Variants in PREP observed in about 807,000 individuals in gnomAD.
The protein encoded by PREP is prolyl endopeptidase.
In PREP, 29 loss-of-function variants were observed where a neutral mutation model predicts 87.6. The observed-to-expected ratio is 0.33, with a 90% CI of 0.25 to 0.45. PREP has a LOEUF of 0.45. Ranked by LOEUF, PREP falls within the 20% of genes least tolerant of loss-of-function variation. The probability of loss-of-function intolerance (pLI) is 1.00; values close to 1 mark genes in which losing one functional copy is unlikely to be tolerated. For synonymous variants in PREP, 337 were observed against 328.6 expected (o/e 1.03, Z -0.28); for missense variants, 695 against 886.5 (o/e 0.78, Z 2.74).
At chr6:105,384,342 C>T (rs1772927978) in intron 2 of PREP, among the ~76,000 whole-genome samples, 1 of 152,100 alleles carries the variant, frequency 6.6e-6, no homozygotes, top group East Asian at 1.9e-4. Context: ...TGCCAGGTAC[C>T]GAAGGGCAGT....
At chr6:105,387,536 G>A (rs1355164075) in intron 2 of PREP, among the ~76,000 whole-genome samples, 1 of 151,236 alleles carries the variant, frequency 6.6e-6, no homozygotes, top group Admixed American at 6.6e-5. Context: ...TGGCTTCCCT[G>A]GGCCACACTG....
chr6:105,306,979 T>C (rs1009480600), intron 10 of PREP, among the ~76,000 whole-genome samples: 2 of 152,064 alleles, frequency 1.3e-5, no homozygotes, highest in Admixed American at 1.3e-4. Flanking sequence ...TTCCACTGGA[T>C]TGGTGCCTTC....
chr6:105,298,291 G>A (rs966743888), intron 10 of PREP: 2 of 152,314 alleles, frequency 1.3e-5, no homozygotes, highest in Non-Finnish European at 2.9e-5. Flanking sequence ...TCCAGCTGCG[G>A]TGACAAAGGG....
intron 8 of PREP, among the ~76,000 whole-genome samples, chr6:105,329,689 A>G (rs1771270734): frequency 6.6e-6 from 1 of 152,248 alleles, no homozygotes; most frequent in Non-Finnish European, 1.5e-5. Flanking sequence ...TGTTTATTAG[A>G]TAAAAATGTA....
chr6:105,284,271 C>T (rs1770140420), intron 12 of PREP, among the ~76,000 whole-genome samples: 1 of 152,140 alleles, frequency 6.6e-6, no homozygotes, highest in African/African-American at 2.4e-5. Flanking sequence ...GGGGCACTCA[C>T]TTTCACTAAG....
At chr6:105,334,885 C>T (rs1771441154) in intron 7 of PREP, among the ~76,000 whole-genome samples, 3 of 152,174 alleles carry the variant, frequency 2.0e-5, no homozygotes, top group South Asian at 2.1e-4. Flanking sequence ...ACGTACACAA[C>T]CTAGCACCCA....
At chr6:105,361,680 G>C (rs556806515) in intron 6 of PREP, among the ~76,000 whole-genome samples, 78 of 152,256 alleles carry the variant, frequency 5.1e-4, no homozygotes, top group Non-Finnish European at 1.9e-4. Flanking sequence ...CTCAGAGCAG[G>C]AGACTTTATC....
chr6:105,311,838 TA>T (rs572977823), intron 10 of PREP, among the ~76,000 whole-genome samples: 269 of 152,306 alleles, frequency 1.8e-3, no homozygotes, highest in African/African-American at 6.2e-3. Context: ...TACATAGACA[TA>T]AATGAATTGT....
intron 10 of PREP, chr6:105,323,112 C>G: frequency 7.7e-7 from 1 of 1,303,594 alleles, no homozygotes; most frequent in Non-Finnish European, 1.0e-6. Context: ...CCTTGGGGAG[C>G]TGAAAAAACA....
intron 2 of PREP, among the ~76,000 whole-genome samples, chr6:105,390,270 G>A (rs1423080563): frequency 6.6e-6 from 1 of 152,148 alleles, no homozygotes; most frequent in East Asian, 1.9e-4. Context: ...TCCCAGAAAA[G>A]AAATCTACAT....
intron 6 of PREP, among the ~76,000 whole-genome samples, chr6:105,354,784 CA>C (rs1474832861): frequency 6.6e-6 from 1 of 150,662 alleles, no homozygotes; most frequent in Non-Finnish European, 1.5e-5. Flanking sequence ...ATTCCTTAAA[CA>C]AATCCTCTCT....
intron 7 of PREP, among the ~76,000 whole-genome samples, chr6:105,341,500 A>C (rs1426435794): frequency 6.6e-6 from 1 of 152,214 alleles, no homozygotes; most frequent in Non-Finnish European, 1.5e-5. Flanking sequence ...GAGCAAACAC[A>C]TTCAAAAGCT....
At chr6:105,354,195 C>T (rs1040406866) in intron 6 of PREP, among the ~76,000 whole-genome samples, 1 of 152,148 alleles carries the variant, frequency 6.6e-6, no homozygotes, top group Non-Finnish European at 1.5e-5. Context: ...ATCCATCATC[C>T]TACCCATAAA....
rs183677847 is a variant in PREP, at chr6:105,389,183, C to T, written c.120+8670G>A. 5.9e-5 allele frequency among the ~76,000 whole-genome samples: 9 copies of T among 152,340 alleles called. 1 individual carries two copies. In the Middle Eastern group the frequency reaches 0.014, roughly 230 times the overall value. ...TGCAATGCCCAAGCAGCACCATCTT[C>T]GTTTGACTGGAGCTTTGCTGTATAT... is the stretch of plus-strand genomic sequence containing the variant. On this transcript the variant is annotated intron_variant, in intron 2 of 14. Coordinates refer to ENST00000652536, the MANE Select transcript of PREP (RefSeq NM_002726.5).
chr6:105,358,866 T>C (rs1044036379), intron 6 of PREP, among the ~76,000 whole-genome samples: 1 of 152,208 alleles, frequency 6.6e-6, no homozygotes, highest in African/African-American at 2.4e-5. Context: ...ATGGATCTTC[T>C]GGGTGGTCCA....
chr6:105,328,637 T>G (rs1771235319), intron 9 of PREP, among the ~76,000 whole-genome samples, 192 bp downstream of exon 9: 2 of 152,146 alleles, frequency 1.3e-5, no homozygotes, highest in Admixed American at 1.3e-4. Context: ...TTAATGAGAG[T>G]GCCATTTTAG....
In PREP at chr6:105,351,324, G is replaced by A. The variant is rs921478666; in HGVS notation, c.823+1648C>T. Among the ~76,000 whole-genome samples, 4 of 152,218 alleles carry A rather than the reference G, an allele frequency of 2.6e-5. No homozygotes were observed. In the East Asian group the frequency reaches 7.7e-4, roughly 29 times the overall value. On this transcript the variant is annotated intron_variant, in intron 7 of 14. Coordinates refer to ENST00000652536, the MANE Select transcript of PREP (RefSeq NM_002726.5). The stretch of plus-strand genomic sequence containing the variant: ...CATGGCCATTAAGAGTTTCTTAGAT[G>A]CTCCCCTTTATTCTTCCTCATATTC...
intron 1 of PREP, among the ~76,000 whole-genome samples, chr6:105,399,883 C>T (rs773457825): frequency 2.2e-4 from 34 of 152,122 alleles, no homozygotes; most frequent in Non-Finnish European, 4.1e-4. Context: ...ACCCTTTTCC[C>T]CAAACACTCA....
chr6:105,387,728 G>C (rs1773039685), intron 2 of PREP, among the ~76,000 whole-genome samples: 2 of 152,128 alleles, frequency 1.3e-5, no homozygotes, highest in African/African-American at 4.8e-5. Context: ...CACATTCAAA[G>C]CCATCCTGGG....
Sources: allele counts gnomAD v4.1 joint callset (sites outside exome capture counted in the v4.1 genomes callset), GRCh38; gene constraint gnomAD v4.1.1; transcripts MANE v1.5; gene names NCBI Gene and HGNC (gene_info 2026-07-23, HGNC 2026-07-21).